The following ZNF346 variants were observed in gnomAD, a reference collection of about 807,000 sequenced individuals.
ZNF346 encodes the protein double-stranded RNA-binding zinc finger protein JAZ.
Under a neutral mutation model 33.7 loss-of-function variants are expected in ZNF346, and 23 were observed. The ratio of observed to expected loss-of-function variants is 0.68; its 90% CI spans 0.49 to 0.97. The LOEUF (loss-of-function observed/expected upper bound fraction) is 0.97, where lower values mean the gene tolerates loss of function less well. ZNF346 is among the 50% of genes least tolerant of loss of function. The pLI is 0.00. For synonymous variants in ZNF346, 134 were observed against 142.4 expected, an observed-to-expected ratio of 0.94 and a Z score of 0.42; for missense variants, 340 against 371.1, an observed-to-expected ratio of 0.92 and a Z score of 0.69.
chr5:177,043,864 CA>C (rs1211054376), intron 3 of ZNF346, among the ~76,000 whole-genome samples: 1 of 152,066 alleles, frequency 6.6e-6, no homozygotes, highest in Non-Finnish European at 1.5e-5. Flanking sequence ...AAAAATGAGT[CA>C]AATAGTCCGT....
chr5:177,031,035 T>A (rs779697986), intron 1 of ZNF346, among the ~76,000 whole-genome samples: 2 of 151,844 alleles, frequency 1.3e-5, no homozygotes, highest in Non-Finnish European at 2.9e-5. Flanking sequence ...ATTCTCTTTT[T>A]TCTGTTTTAT....
chr5:177,030,301 T>A (rs1430408299), intron 1 of ZNF346, among the ~76,000 whole-genome samples: 1 of 152,076 alleles, frequency 6.6e-6, no homozygotes, highest in African/African-American at 2.4e-5. Context: ...AAGAATATAC[T>A]TGAGATGAGT....
intron 1 of ZNF346, among the ~76,000 whole-genome samples, chr5:177,040,488 G>A (rs561260486): frequency 6.6e-6 from 1 of 152,058 alleles, no homozygotes; most frequent in East Asian, 1.9e-4. Context: ...GGGATTATAG[G>A]TGCCTGCCAC....
chr5:177,070,796 G>A (rs1325071871), downstream of ZNF346, among the ~76,000 whole-genome samples: 1 of 152,038 alleles, frequency 6.6e-6, no homozygotes, highest in Non-Finnish European at 1.5e-5. Flanking sequence ...GGGGGGAAAA[G>A]TAGCATAGTG....
At chr5:177,045,718 T>C (rs1365023591) in intron 4 of ZNF346, among the ~76,000 whole-genome samples, 1 of 151,950 alleles carries the variant, frequency 6.6e-6, no homozygotes, top group Non-Finnish European at 1.5e-5. Flanking sequence ...CTTGAACTCC[T>C]GGCCTTAAGT....
In ZNF346 at chr5:177,074,316, C is replaced by T. The variant is rs948664546; in HGVS notation, c.*3-5066C>T. 2.2e-4 allele frequency among the ~76,000 whole-genome samples: 34 copies of T among 152,224 alleles called. 1 individual carries two copies. Among genetic ancestry groups the T allele is most frequent in the Admixed American group, 1.1e-3 (17 of 15,280 alleles). On this transcript the variant is annotated intron_variant, in intron 8 of 8. Coordinates refer to the ZNF346 transcript ENST00000503039. ...AGTCCGGGTGGGGAAGACCTCCACT[C>T]TCCTGGCTTTTGCCAGAACAGTTGA...
chr5:177,073,981 G>A (rs1162492948), intron 8 of ZNF346, among the ~76,000 whole-genome samples: 1 of 152,042 alleles, frequency 6.6e-6, no homozygotes, highest in Admixed American at 6.6e-5. Context: ...GGAAGTTTGG[G>A]CTAGACCATG....
At chr5:177,044,277 A>T in intron 3 of ZNF346, 112 bp from the exon 4 acceptor site, 1 of 1,188,300 alleles carries the variant, frequency 8.4e-7, no homozygotes, top group Non-Finnish European at 1.2e-6. Context: ...GGTTGGGGTT[A>T]ATGTGTGAGG....
rs77794714 is a variant in ZNF346, at chr5:177,031,466, A to G, written c.175+8553A>G. ...AATTGTTTTCAAATAAGAAGTTGTC[A>G]TTAATTGAATTATTTCACTGTACAT... is the stretch of plus-strand genomic sequence containing the variant. On this transcript the variant is annotated intron_variant, in intron 1 of 6. Coordinates refer to ENST00000358149, the MANE Select transcript of ZNF346 (RefSeq NM_012279.4). Among the ~76,000 whole-genome samples the G allele has an allele frequency of 4.3e-3, 654 of 152,326 alleles. 3 individuals are homozygous for G. Among genetic ancestry groups the G allele is most frequent in the Non-Finnish European group, 8.1e-3 (548 of 68,034 alleles).
intron 1 of ZNF346, among the ~76,000 whole-genome samples, chr5:177,027,563 G>A (rs1581779589): frequency 7.1e-6 from 1 of 140,976 alleles, no homozygotes; most frequent in African/African-American, 2.7e-5. Context: ...TCCAGTCTAG[G>A]CAACACAGTT....
chr5:177,052,982 T>C (rs1781159065), intron 5 of ZNF346: 1 of 152,212 alleles, frequency 6.6e-6, no homozygotes, highest in South Asian at 2.1e-4. Flanking sequence ...TCACCACTCA[T>C]TGGTAAAGGA....
At chr5:177,056,479 G>C (rs750104004) in intron 5 of ZNF346, among the ~76,000 whole-genome samples, 1 of 152,094 alleles carries the variant, frequency 6.6e-6, no homozygotes, top group African/African-American at 2.4e-5. Context: ...TGTTTATTGC[G>C]GCACTATTCA....
chr5:177,040,727 G>C (rs542438063), intron 1 of ZNF346, among the ~76,000 whole-genome samples: 2 of 152,136 alleles, frequency 1.3e-5, no homozygotes, highest in Non-Finnish European at 2.9e-5. Flanking sequence ...CAGTCCTCCT[G>C]ATTCTATCTG....
chr5:177,023,135 C>T, intron 1 of ZNF346: 1 of 1,493,624 alleles, frequency 6.7e-7, no homozygotes, highest in South Asian at 1.2e-5. Context: ...GGGTTTTCCT[C>T]CTCCTCCTTC....
chr5:177,045,256 GACCA>G (rs1779874897), intron 4 of ZNF346, among the ~76,000 whole-genome samples: 1 of 152,010 alleles, frequency 6.6e-6, no homozygotes, highest in Non-Finnish European at 1.5e-5. Flanking sequence ...CTCTATTTTG[GACCA>G]AGAAGTAGAC....
At chr5:177,049,607 G>C (rs1780584628) in intron 4 of ZNF346, among the ~76,000 whole-genome samples, 1 of 152,216 alleles carries the variant, frequency 6.6e-6, no homozygotes, top group Admixed American at 6.5e-5. Context: ...GAAGGCGTAA[G>C]TAAGAGCTAT....
chr5:177,051,262 C>T lies in ZNF346; in HGVS notation c.703+326C>T, dbSNP rs186984952. On this transcript the variant is annotated intron_variant, in intron 5 of 6. Coordinates refer to ENST00000358149, the MANE Select transcript of ZNF346 (RefSeq NM_012279.4). ...CGATCTCGGCTTACTGCAAGCTCCACCTCCCAGGTTCATGCCATCCTTCTG... is the reference window on the plus strand; with the variant it reads ...CGATCTCGGCTTACTGCAAGCTCCATCTCCCAGGTTCATGCCATCCTTCTG... Among the ~76,000 whole-genome samples, 124 of 149,028 alleles carry T rather than the reference C, an allele frequency of 8.3e-4. 1 individual carries two copies. Among genetic ancestry groups the T allele is most frequent in the African/African-American group, 2.9e-3 (118 of 40,300 alleles).
intron 5 of ZNF346, among the ~76,000 whole-genome samples, chr5:177,061,645 C>T (rs368961855): frequency 6.6e-6 from 1 of 152,198 alleles, no homozygotes; most frequent in East Asian, 1.9e-4. Context: ...TCATAACCAG[C>T]GTTCTCACTA....
Position 177,050,904 on chromosome 5 carries a change from G to A in ZNF346, c.671G>A (p.Arg224Gln). 3.7e-6 allele frequency: 6 copies of A among 1,614,136 alleles called. No homozygotes were observed. Among genetic ancestry groups the A allele is most frequent in the Non-Finnish European group, 5.1e-6 (6 of 1,180,032 alleles). Reference protein sequence around the residue: ...TKLKLMARYGRLADPAVTDFP... With the variant: ...TKLKLMARYGQLADPAVTDFP... ...CTCAAACTAATGGCACGCTATGGGCGGCTGGCGGACCCTGCTGTCACTGAC... is the reference window on the plus strand; with the variant it reads ...CTCAAACTAATGGCACGCTATGGGCAGCTGGCGGACCCTGCTGTCACTGAC... Residue 224 changes from arginine (R) to glutamine (Q), a missense_variant, in exon 5 of 7, where the codon CGG (arginine) becomes CAG (glutamine). Physicochemically the swap from Arg to Gln is conservative, Grantham distance 43. Transcript: ENST00000358149.
Sources: allele counts gnomAD v4.1 joint callset (sites outside exome capture counted in the v4.1 genomes callset), GRCh38; gene constraint gnomAD v4.1.1; transcripts MANE v1.5; gene names NCBI Gene and HGNC (gene_info 2026-07-23, HGNC 2026-07-21).